The following JPH2 variants were observed in gnomAD, a reference collection of about 807,000 sequenced individuals.
JPH2 encodes the protein junctophilin 2.
JPH2 carries 38 observed loss-of-function variants against 55.9 expected under a neutral mutation model. That is an observed-to-expected ratio of 0.68 (90% confidence interval 0.52 to 0.89). JPH2 has a LOEUF of 0.89. JPH2 is among the 40% of genes least tolerant of loss of function. JPH2 has a pLI of 0.00. For missense variants in JPH2, 964 were observed against 1,037.6 expected, an observed-to-expected ratio of 0.93 and a Z score of 0.97; for synonymous variants, 480 against 472.4, an observed-to-expected ratio of 1.02 and a Z score of -0.21.
chr20:44,168,496 G>A (rs1434093223), intron 1 of JPH2, among the ~76,000 whole-genome samples: 1 of 152,162 alleles, frequency 6.6e-6, no homozygotes, highest in Non-Finnish European at 1.5e-5. Context: ...GAAAGTTCTG[G>A]TTTAAGTCAT....
At chr20:44,114,650 G>T in intron 5 of JPH2, 132 bp downstream of exon 5, 1 of 665,208 alleles carries the variant, frequency 1.5e-6, no homozygotes, top group Non-Finnish European at 2.7e-6. Context: ...GGCTTCTGCA[G>T]GTGGGTGGGC....
chr20:44,138,290 C>A (rs1346776428), intron 2 of JPH2, among the ~76,000 whole-genome samples: 1 of 151,914 alleles, frequency 6.6e-6, no homozygotes, highest in African/African-American at 2.4e-5. Context: ...AGTGTAATCC[C>A]AAAGTGCTGG....
At chr20:44,164,528 C>G (rs1650994345) in intron 1 of JPH2, among the ~76,000 whole-genome samples, 1 of 152,080 alleles carries the variant, frequency 6.6e-6, no homozygotes, top group African/African-American at 2.4e-5. Context: ...AGAGAGTGTG[C>G]TAGAAAAGAG....
At chr20:44,161,529 A>G (rs2072609949) in intron 1 of JPH2, among the ~76,000 whole-genome samples, 1 of 152,086 alleles carries the variant, frequency 6.6e-6, no homozygotes, top group African/African-American at 2.4e-5. Flanking sequence ...CAACTGACTT[A>G]ACCTCCCTGT....
chr20:44,151,989 C>G (rs943153337), intron 2 of JPH2, among the ~76,000 whole-genome samples: 2 of 152,204 alleles, frequency 1.3e-5, no homozygotes, highest in Non-Finnish European at 2.9e-5. Context: ...TCCTCTGGGA[C>G]AGCTAGTTGC....
chr20:44,138,417 C>T (rs1025347569), intron 2 of JPH2, among the ~76,000 whole-genome samples: 100 of 151,962 alleles, frequency 6.6e-4, no homozygotes, highest in African/African-American at 2.3e-3. Context: ...CTGGCTCTTT[C>T]GCCCAGGCTG....
Position 44,115,954 on chromosome 20 carries a change from G to A in JPH2, c.1721C>T (p.Thr574Met), listed in dbSNP as rs2072187513. Residue 574 changes from threonine to methionine, a missense_variant, in exon 4 of 6, where the codon ACG becomes ATG. Coordinates refer to ENST00000372980, the MANE Select transcript of JPH2 (RefSeq NM_020433.5). ...QGYHSYAVRTTPPEPPPFEDQ... is the reference protein window; with the variant it reads ...QGYHSYAVRTMPPEPPPFEDQ... ...CTCAAAGGGTGGGGGCTCGGGCGGC[G>A]TGGTGCGCACAGCATAGCTGTGGTA... The A allele has an allele frequency of 1.9e-6, 3 of 1,570,890 alleles. No homozygotes were observed. The highest frequency in any genetic ancestry group is 1.7e-6 in the Non-Finnish European group (2 of 1,165,582).
chr20:44,174,294 G>T (rs552447329), intron 1 of JPH2, among the ~76,000 whole-genome samples: 1 of 152,252 alleles, frequency 6.6e-6, no homozygotes, highest in African/African-American at 2.4e-5. Flanking sequence ...TTTCAATGCT[G>T]CCTTGCATTG....
chr20:44,148,268 A>T (rs1210475351), intron 2 of JPH2, among the ~76,000 whole-genome samples: 3 of 152,218 alleles, frequency 2.0e-5, no homozygotes, highest in African/African-American at 7.2e-5. Context: ...GCCGCCACAT[A>T]TTAAGTCCTC....
rs576999824 is a variant in JPH2 at position 44,143,623 on chromosome 20, C to T, written c.1169+15995G>A. 1.1e-3 allele frequency among the ~76,000 whole-genome samples: 165 copies of T among 152,336 alleles called. 1 individual carries two copies. Among genetic ancestry groups the T allele is most frequent in the African/African-American group, 3.8e-3 (159 of 41,576 alleles). ...ATGCCTGTCCTTCTTCCTTCTCGTG[C>T]TCCCCGCTCACGCCCTCTCAGCTCC... On this transcript the variant is annotated intron_variant, in intron 2 of 5. Coordinates refer to ENST00000372980, the MANE Select transcript of JPH2 (RefSeq NM_020433.5).
At position 44,115,882 on chromosome 20, in the gene JPH2, G is replaced by A. The variant is rs753491973; in HGVS notation, c.1793C>T (p.Ser598Phe). 7 of 1,582,396 alleles carry A rather than the reference G, an allele frequency of 4.4e-6. No individual in the cohort carries two copies. The highest frequency in any genetic ancestry group is 2.3e-5 in the East Asian group (1 of 44,270). The change falls in exon 4 of 6, where the codon TCC (serine) becomes TTC (phenylalanine). Residue 598 changes from serine (S) to phenylalanine (F), a missense_variant. Coordinates refer to ENST00000372980, the MANE Select transcript of JPH2 (RefSeq NM_020433.5). ...GGCCTGCAGCGGGGCGGTGGCCGGGGACGAGGGCGCGGACTCGGACCCGGA... is the reference window on the plus strand; with the variant it reads ...GGCCTGCAGCGGGGCGGTGGCCGGGAACGAGGGCGCGGACTCGGACCCGGA... Reference protein sequence around the residue: ...EVSGSESAPSSPATAPLQAPT... With the variant: ...EVSGSESAPSFPATAPLQAPT...
chr20:44,163,996 C>T (rs2072635409), intron 1 of JPH2, among the ~76,000 whole-genome samples: 1 of 152,138 alleles, frequency 6.6e-6, no homozygotes, highest in African/African-American at 2.4e-5. Context: ...AAGCATTGGG[C>T]ATGATCTCAT....
At chr20:44,125,965 A>T (rs1348152744) in intron 2 of JPH2, among the ~76,000 whole-genome samples, 1 of 151,768 alleles carries the variant, frequency 6.6e-6, no homozygotes, top group Non-Finnish European at 1.5e-5. Flanking sequence ...GTCTCTACAA[A>T]AAATAAAAAT....
intron 1 of JPH2, chr20:44,177,451 G>A (rs2072743669): frequency 2.0e-6 from 2 of 992,178 alleles, no homozygotes; most frequent in African/African-American, 1.7e-5. Context: ...TTGGCCAATC[G>A]GGCACATGAA....
chr20:44,158,341 T>C (rs1399239073), intron 2 of JPH2, among the ~76,000 whole-genome samples: 1 of 152,046 alleles, frequency 6.6e-6, no homozygotes, highest in African/African-American at 2.4e-5. Context: ...GGAAGAAAAC[T>C]CCAGGCTCAG....
intron 2 of JPH2, among the ~76,000 whole-genome samples, chr20:44,150,483 A>G (rs1026929039): frequency 5.9e-5 from 9 of 152,262 alleles, no homozygotes; most frequent in African/African-American, 2.2e-4. Context: ...CAGGTTTAAC[A>G]AAATCCCAGC....
At chr20:44,158,340 C>T (rs1264426155) in intron 2 of JPH2, among the ~76,000 whole-genome samples, 1 of 152,166 alleles carries the variant, frequency 6.6e-6, no homozygotes, top group East Asian at 1.9e-4. Flanking sequence ...GGGAAGAAAA[C>T]TCCAGGCTCA....
intron 2 of JPH2, among the ~76,000 whole-genome samples, chr20:44,133,915 TTATAATATATAA>T (rs2072345228): frequency 2.4e-5 from 1 of 42,152 alleles, no homozygotes; most frequent in African/African-American, 1.1e-4. Context: ...TAAATATACA[TTATAATATATAA>T]ATATATATTT....
chr20:44,120,567 C>A (rs1281024469), intron 2 of JPH2, among the ~76,000 whole-genome samples: 1 of 152,068 alleles, frequency 6.6e-6, no homozygotes, highest in Non-Finnish European at 1.5e-5. Context: ...ACAGGTTAAG[C>A]AATTTGCCCA....
Sources: gnomAD v4.1 joint callset for allele counts (sites outside exome capture counted in the v4.1 genomes callset) on GRCh38, gnomAD v4.1.1 for gene constraint, MANE v1.5 for transcripts, NCBI Gene and HGNC (gene_info 2026-07-23, HGNC 2026-07-21) for gene names.